Variants in COL5A2 observed in about 807,000 individuals in gnomAD.
The protein encoded by COL5A2 is collagen alpha-2(V) chain.
In COL5A2, 23 loss-of-function variants were observed where a neutral mutation model predicts 208.2. The ratio of observed to expected loss-of-function variants is 0.11; its 90% CI spans 0.08 to 0.16. The LOEUF is 0.16. COL5A2 is among the 10% of genes least tolerant of loss of function. The pLI is 1.00. For synonymous variants in COL5A2, 625 were observed against 628.5 expected (o/e 0.99, Z 0.08); for missense variants, 1,590 against 1,956.4 (o/e 0.81, Z 3.53).
At chr2:189,058,930 C>A in intron 31 of COL5A2, 37 bp from the exon 32 acceptor site, 2 of 1,587,250 alleles carry the variant, frequency 1.3e-6, no homozygotes, top group African/African-American at 1.3e-5. Flanking sequence ...GGAACAAGAG[C>A]TTTGAGTTTA....
rs13914 is a variant in COL5A2, at chr2:189,032,905, C to T, written c.*1165G>A. 7,095 of 152,508 alleles carry T rather than the reference C, an allele frequency of 0.047. 201 individuals carry two copies. The highest frequency in any genetic ancestry group is 0.084 in the African/African-American group (3,482 of 41,508). 9.4% of individuals were successfully genotyped at this position (152,508 alleles called of 1,614,324 possible). ...ATCATTAAAGGAAAAATAATAATAC[C>T]TTTTTAGCCCTGCCTATCTCCAGTC... On this transcript the variant is annotated 3_prime_UTR_variant, in exon 54 of 54. Coordinates refer to ENST00000374866, the MANE Select transcript of COL5A2 (RefSeq NM_000393.5).
At chr2:189,218,046 A>C (rs1689300472) in intron 1 of COL5A2, among the ~76,000 whole-genome samples, 1 of 152,162 alleles carries the variant, frequency 6.6e-6, no homozygotes. Flanking sequence ...TGCTGTGACC[A>C]CTTCTGAGGT....
At chr2:189,366,077 C>T in the COL5A2 span, among the ~76,000 whole-genome samples, 1 of 152,148 alleles carries the variant, frequency 6.6e-6, no homozygotes, top group African/African-American at 2.4e-5. Flanking sequence ...TGAGTGTACC[C>T]TGTGGAGTCT....
At chr2:189,294,042 C>T in the COL5A2 span, among the ~76,000 whole-genome samples, 1 of 142,886 alleles carries the variant, frequency 7.0e-6, no homozygotes, top group African/African-American at 2.6e-5. Flanking sequence ...GAGCTGAGAT[C>T]ATGACACTGC....
chr2:189,344,038 C>A, the COL5A2 span, among the ~76,000 whole-genome samples: 2 of 152,234 alleles, frequency 1.3e-5, no homozygotes, highest in East Asian at 3.9e-4. Flanking sequence ...TAATTTACGA[C>A]CACTATTTAT....
At chr2:189,079,464 C>G (rs1686485369) in intron 14 of COL5A2, among the ~76,000 whole-genome samples, 1 of 152,016 alleles carries the variant, frequency 6.6e-6, no homozygotes, top group Admixed American at 6.6e-5. Flanking sequence ...TTCTAGGAGA[C>G]TTAGAAATAA....
intron 8 of COL5A2, among the ~76,000 whole-genome samples, chr2:189,087,312 G>A (rs1206697006): frequency 3.9e-4 from 59 of 152,068 alleles, no homozygotes; most frequent in Non-Finnish European, 4.4e-5. Context: ...ATCCACACAG[G>A]CTTTCCTCAT....
chr2:189,278,436 T>C, the COL5A2 span, among the ~76,000 whole-genome samples: 7 of 152,124 alleles, frequency 4.6e-5, no homozygotes, highest in Non-Finnish European at 7.4e-5. Flanking sequence ...AGAAAACGTA[T>C]TGTATATCAG....
chr2:189,265,803 T>C, the COL5A2 span, among the ~76,000 whole-genome samples: 5 of 152,084 alleles, frequency 3.3e-5, no homozygotes, highest in African/African-American at 1.2e-4. Context: ...GCTAGACTCA[T>C]AAAACAAACA....
rs780716815 is a variant in COL5A2, at chr2:189,039,543, G to A, written c.3654C>T (p.Gly1218=). The change falls in exon 51 of 54, where the codon GGC becomes GGT. Residue 1218 remains glycine, a synonymous_variant. Transcript: ENST00000374866. ...CAGGGGGACCCGGAGGGCCAGGTGG[G>A]CCAGGCTCACCAGGAGGGCCCTAAT... The part of the protein sequence containing the change: ...AGPEGPPGEP[G]PPGPPGPPGH... The A allele has an allele frequency of 5.6e-6, 9 of 1,613,680 alleles. No individual in the cohort carries two copies. Among genetic ancestry groups the A allele is most frequent in the Non-Finnish European group, 7.6e-6 (9 of 1,179,980 alleles).
At chr2:189,073,395 G>A (rs1686328942) in intron 17 of COL5A2, among the ~76,000 whole-genome samples, 1 of 151,962 alleles carries the variant, frequency 6.6e-6, no homozygotes, top group East Asian at 1.9e-4. Context: ...AAATATATTT[G>A]TGCTATTACA....
At chr2:189,432,613 A>T in the COL5A2 span, among the ~76,000 whole-genome samples, 129,736 of 152,184 alleles carry the variant, frequency 0.85, 56,486 homozygotes, top group Non-Finnish European at 0.95. Context: ...AAGGGATCAA[A>T]TCAACAAGAA....
chr2:189,300,000 T>A, the COL5A2 span, among the ~76,000 whole-genome samples: 1 of 152,126 alleles, frequency 6.6e-6, no homozygotes, highest in African/African-American at 2.4e-5. Context: ...GCGGCAGTTC[T>A]CATGAAAGAA....
the COL5A2 span, among the ~76,000 whole-genome samples, chr2:189,394,604 A>T: frequency 6.6e-6 from 1 of 152,202 alleles, no homozygotes; most frequent in Non-Finnish European, 1.5e-5. Flanking sequence ...CAGAACCATG[A>T]GAAATAAATG....
intron 6 of COL5A2, among the ~76,000 whole-genome samples, chr2:189,094,248 AC>A (rs949314503): frequency 4.6e-5 from 7 of 152,272 alleles, no homozygotes; most frequent in African/African-American, 1.7e-4. Flanking sequence ...ATTAATAAAA[AC>A]GTCTATAAAA....
chr2:189,041,608 C>T lies in COL5A2; in HGVS notation c.3611G>A (p.Ser1204Asn), dbSNP rs1060501907. ...TACCTCAGGTCCTGCTTCTCCTACA[C>T]TGCCTCGTACACCTGGAGGTCCAAT... Reference protein sequence around the residue: ...GPIGPPGVRGSVGEAGPEGPP... With the variant: ...GPIGPPGVRGNVGEAGPEGPP... Residue 1204 changes from serine to asparagine, a missense_variant, in exon 50 of 54, where the codon AGT becomes AAT. Coordinates refer to ENST00000374866, the MANE Select transcript of COL5A2 (RefSeq NM_000393.5). The T allele has an allele frequency of 1.1e-5, 18 of 1,613,772 alleles. No homozygotes were observed. The highest frequency in any genetic ancestry group is 1.3e-5 in the Non-Finnish European group (15 of 1,179,758).
the COL5A2 span, among the ~76,000 whole-genome samples, chr2:189,236,002 TA>T: frequency 0.015 from 2,086 of 137,698 alleles, 55 homozygotes; most frequent in African/African-American, 0.048. Flanking sequence ...CATCCCCCAA[TA>T]AAAAAAAAAA....
At chr2:189,322,832 C>A in the COL5A2 span, among the ~76,000 whole-genome samples, 1 of 152,058 alleles carries the variant, frequency 6.6e-6, no homozygotes, top group South Asian at 2.1e-4. Flanking sequence ...TTTTATGAGG[C>A]CAACATCATG....
chr2:189,380,801 C>A, the COL5A2 span, among the ~76,000 whole-genome samples: 9 of 151,896 alleles, frequency 5.9e-5, no homozygotes, highest in Non-Finnish European at 8.8e-5. Flanking sequence ...CAAAATTCTT[C>A]TTGGAATATA....
Sources: allele counts gnomAD v4.1 joint callset (sites outside exome capture counted in the v4.1 genomes callset), GRCh38; gene constraint gnomAD v4.1.1; transcripts MANE v1.5; gene names NCBI Gene and HGNC (gene_info 2026-07-23, HGNC 2026-07-21).